Variants in DSCAM observed in about 807,000 individuals in gnomAD.
DSCAM encodes DS cell adhesion molecule.
Under a neutral mutation model 217.7 loss-of-function variants are expected in DSCAM, and 47 were observed. That is an observed-to-expected ratio of 0.22 (90% CI 0.17 to 0.28). DSCAM has a LOEUF of 0.28. Among genes scored for constraint, DSCAM ranks in the 10% least tolerant of loss-of-function variants. The pLI is 1.00. For missense variants in DSCAM, 2,080 were observed against 2,618.3 expected, an observed-to-expected ratio of 0.79 and a Z score of 4.49; for synonymous variants, 1,056 against 1,015.3, an observed-to-expected ratio of 1.04 and a Z score of -0.76.
intron 1 of DSCAM, among the ~76,000 whole-genome samples, chr21:40,771,635 T>C (rs184346990): frequency 1.3e-5 from 2 of 152,208 alleles, no homozygotes; most frequent in African/African-American, 4.8e-5. Context: ...CCATCTTAAC[T>C]GCATCTCTAA....
intron 32 of DSCAM, among the ~76,000 whole-genome samples, chr21:40,037,889 C>T (rs1263053379): frequency 6.8e-6 from 1 of 147,562 alleles, no homozygotes; most frequent in Non-Finnish European, 1.5e-5. Context: ...TGATCTTTGA[C>T]CAACCTGAGA....
chr21:40,527,067 G>C (rs1251696193), intron 3 of DSCAM, among the ~76,000 whole-genome samples: 2 of 152,070 alleles, frequency 1.3e-5, no homozygotes, highest in Non-Finnish European at 2.9e-5. Context: ...TGGCCTCTGT[G>C]TCTCTTTAGG....
chr21:40,457,529 A>AAAC (rs138886789), intron 3 of DSCAM, among the ~76,000 whole-genome samples: 58 of 150,988 alleles, frequency 3.8e-4, no homozygotes, highest in African/African-American at 1.1e-3. Context: ...ATAATAAAAT[A>AAAC]AAACAAACAA....
intron 3 of DSCAM, among the ~76,000 whole-genome samples, chr21:40,527,759 G>A (rs1190585957): frequency 2.0e-5 from 3 of 152,200 alleles, no homozygotes; most frequent in African/African-American, 7.2e-5. Flanking sequence ...ATATTGCAGT[G>A]CCTGTTTCTG....
chr21:40,616,007 CAT>C (rs1214564343), intron 3 of DSCAM, among the ~76,000 whole-genome samples: 1 of 151,694 alleles, frequency 6.6e-6, no homozygotes, highest in African/African-American at 2.4e-5. Context: ...CACACACACA[CAT>C]GCATACAAGA....
chr21:40,367,567 C>A (rs1256938530), intron 4 of DSCAM, among the ~76,000 whole-genome samples: 1 of 152,172 alleles, frequency 6.6e-6, no homozygotes, highest in Non-Finnish European at 1.5e-5. Context: ...ACAGTCTCAT[C>A]TTTTAGCATT....
At chr21:40,227,655 C>G (rs2091345362) in intron 11 of DSCAM, among the ~76,000 whole-genome samples, 1 of 152,078 alleles carries the variant, frequency 6.6e-6, no homozygotes, top group Non-Finnish European at 1.5e-5. Context: ...GGGAGGATAC[C>G]TGCTCTTCTA....
At chr21:40,581,924 A>G (rs1282608143) in intron 3 of DSCAM, among the ~76,000 whole-genome samples, 1 of 152,260 alleles carries the variant, frequency 6.6e-6, no homozygotes, top group Non-Finnish European at 1.5e-5. Context: ...GTCAAATTGT[A>G]TCCTCTAAGG....
chr21:40,467,225 C>T (rs1349128265), intron 3 of DSCAM, among the ~76,000 whole-genome samples: 2 of 152,140 alleles, frequency 1.3e-5, no homozygotes, highest in African/African-American at 2.4e-5. Flanking sequence ...TTTTTAGAAA[C>T]AATTTTATTT....
At chr21:40,015,696 CAA>C (rs2088145358) in intron 32 of DSCAM, among the ~76,000 whole-genome samples, 1 of 152,208 alleles carries the variant, frequency 6.6e-6, no homozygotes, top group South Asian at 2.1e-4. Context: ...CTCAGCTTCT[CAA>C]AGCACTGGGA....
chr21:40,147,343 A>G (rs982996755), intron 16 of DSCAM, among the ~76,000 whole-genome samples: 3 of 152,250 alleles, frequency 2.0e-5, no homozygotes, highest in Admixed American at 2.0e-4. Flanking sequence ...ATCTGTTTGT[A>G]CAGGTAGAAA....
rs532797331 is a variant in DSCAM at position 40,096,247 on chromosome 21, C to G, written c.3697-2373G>C. 4.6e-5 allele frequency among the ~76,000 whole-genome samples: 7 copies of G among 152,228 alleles called. No individual in the cohort carries two copies. In the East Asian group the frequency reaches 1.2e-3, roughly 25 times the overall value. On this transcript the variant is annotated intron_variant, in intron 20 of 32. Coordinates refer to ENST00000400454, the MANE Select transcript of DSCAM (RefSeq NM_001389.5). The stretch of plus-strand genomic sequence containing the variant: ...GCCCCCTCCCCACTTTGAGTTGTCC[C>G]GCCTTTGCTTCAAGTTGTCCTGCCT...
intron 29 of DSCAM, among the ~76,000 whole-genome samples, chr21:40,054,010 G>T (rs2088975197): frequency 6.6e-6 from 1 of 152,110 alleles, no homozygotes. Context: ...TATGTTGGCT[G>T]GAAGGGTTAA....
intron 3 of DSCAM, among the ~76,000 whole-genome samples, chr21:40,636,726 G>A (rs1419971280): frequency 1.3e-5 from 2 of 148,684 alleles, no homozygotes; most frequent in Non-Finnish European, 1.5e-5. Context: ...AAAATGCCAC[G>A]CTAGTCTGAG....
At chr21:40,427,162 GC>G (rs2075482538) in intron 3 of DSCAM, among the ~76,000 whole-genome samples, 1 of 152,176 alleles carries the variant, frequency 6.6e-6, no homozygotes, top group Admixed American at 6.5e-5. Context: ...CCAGCTGACT[GC>G]TGCTCTGGTC....
At chr21:40,470,329 C>T (rs977195390) in intron 3 of DSCAM, among the ~76,000 whole-genome samples, 1 of 152,180 alleles carries the variant, frequency 6.6e-6, no homozygotes, top group African/African-American at 2.4e-5. Flanking sequence ...TATTAAAGAA[C>T]CTTGGATCCT....
intron 11 of DSCAM, among the ~76,000 whole-genome samples, chr21:40,196,300 C>T (rs891705727): frequency 3.3e-5 from 5 of 152,082 alleles, no homozygotes; most frequent in South Asian, 2.1e-4. Context: ...GACCCTTGGC[C>T]GTCCTGGGTT....
intron 11 of DSCAM, among the ~76,000 whole-genome samples, chr21:40,240,349 GT>G (rs749073872): frequency 0.018 from 1,037 of 57,682 alleles, 5 homozygotes; most frequent in African/African-American, 0.044. Flanking sequence ...TTCCTCACTG[GT>G]TTTTTTTTTT....
At chr21:40,457,228 C>T (rs528325222) in intron 3 of DSCAM, among the ~76,000 whole-genome samples, 1 of 152,264 alleles carries the variant, frequency 6.6e-6, no homozygotes, top group African/African-American at 2.4e-5. Context: ...AAGAAGAAGG[C>T]TGGCTGCGCA....
Sources: allele counts gnomAD v4.1 joint callset (sites outside exome capture counted in the v4.1 genomes callset), GRCh38; gene constraint gnomAD v4.1.1; transcripts MANE v1.5; gene names NCBI Gene and HGNC (gene_info 2026-07-23, HGNC 2026-07-21).